APBB2: variants seen among roughly 807,000 people sequenced by gnomAD.
APBB2 encodes the protein Fe65-like 1.
Under a neutral mutation model 82.5 loss-of-function variants are expected in APBB2, and 38 were observed. The ratio of observed to expected loss-of-function variants is 0.46; its 90% CI spans 0.36 to 0.60. APBB2 has a LOEUF of 0.60. Among genes scored for constraint, APBB2 ranks in the 20% least tolerant of loss-of-function variants. APBB2 has a pLI of 0.00. For synonymous variants in APBB2, 341 were observed against 368.2 expected (o/e 0.93, Z 0.85); for missense variants, 772 against 972.3 (o/e 0.79, Z 2.74).
intron 6 of APBB2, among the ~76,000 whole-genome samples, chr4:40,965,618 T>C (rs532280322): frequency 1.3e-5 from 2 of 152,260 alleles, no homozygotes; most frequent in African/African-American, 4.8e-5. Flanking sequence ...TTTTATATAT[T>C]GAGTTAAATA....
rs777910826 is a variant in APBB2, at chr4:40,832,013, T to TATATATATACACACAC, written c.1530-1437_1530-1436insGTGTGTGTATATATAT. On this transcript the variant is annotated intron_variant, in intron 12 of 17. Transcript: ENST00000508593. This position sits in a 1 kb window ranked among gnomAD's most constrained non-coding sequence, Gnocchi z 4.8. ...ACACATATTTATATATTTATTTATATACACACACACACACACACACACACA... is the reference window on the plus strand; with the variant it reads ...ACACATATTTATATATTTATTTATATATATATATACACACACACACACACACACACACACACACACA... Among the ~76,000 whole-genome samples, 1 of 138,886 alleles carries TATATATATACACACAC rather than the reference T, an allele frequency of 7.2e-6. No individual in the cohort carries two copies. The highest frequency in any genetic ancestry group is 1.6e-5 in the Non-Finnish European group (1 of 64,472). 91.1% of individuals were successfully genotyped at this position (138,886 alleles called of 152,430 possible).
intron 4 of APBB2, among the ~76,000 whole-genome samples, chr4:41,039,349 G>C (rs1429834180): frequency 6.6e-6 from 1 of 152,108 alleles, no homozygotes; most frequent in East Asian, 1.9e-4. Flanking sequence ...TGAAAATTAT[G>C]ACCTTGGCCC....
At chr4:41,039,578 C>G (rs1376536301) in intron 4 of APBB2, among the ~76,000 whole-genome samples, 1 of 152,172 alleles carries the variant, frequency 6.6e-6, no homozygotes, top group African/African-American at 2.4e-5. Context: ...CTAATTAAGG[C>G]CAGATGCAGT....
rs547794861 is a variant in APBB2, at chr4:41,021,452, T to G, written c.20-7054A>C. Among the ~76,000 whole-genome samples, 295 of 151,994 alleles carry G rather than the reference T, an allele frequency of 1.9e-3. 1 individual carries two copies. Among genetic ancestry groups the G allele is most frequent in the African/African-American group, 6.8e-3 (284 of 41,472 alleles). Reference sequence around the variant, plus strand: ...TGCACCAATCAGCACTCTGTAAAAATGCACCAATCAGCACTCTGTGTCTAG... The same window carrying G: ...TGCACCAATCAGCACTCTGTAAAAAGGCACCAATCAGCACTCTGTGTCTAG... On this transcript the variant is annotated intron_variant, in intron 5 of 17. Transcript: ENST00000508593.
chr4:41,024,942 T>C (rs1713342941), intron 5 of APBB2, among the ~76,000 whole-genome samples: 1 of 152,240 alleles, frequency 6.6e-6, no homozygotes, highest in African/African-American at 2.4e-5. Flanking sequence ...CTCCCTTTGT[T>C]CTGCCTCTGT....
chr4:40,868,964 A>G (rs1458751635), intron 12 of APBB2, among the ~76,000 whole-genome samples: 1 of 152,186 alleles, frequency 6.6e-6, no homozygotes, highest in East Asian at 1.9e-4. Flanking sequence ...ACGAACTACT[A>G]AAAGATCAAT....
intron 2 of APBB2, among the ~76,000 whole-genome samples, chr4:41,109,673 T>C (rs1748494726): frequency 1.3e-5 from 2 of 152,210 alleles, no homozygotes; most frequent in Non-Finnish European, 2.9e-5. Context: ...AGTTTCACCA[T>C]GTTAGCCAGG....
intron 12 of APBB2, among the ~76,000 whole-genome samples, chr4:40,877,621 C>A (rs1274964273): frequency 6.6e-6 from 1 of 152,158 alleles, no homozygotes; most frequent in Non-Finnish European, 1.5e-5. Context: ...TATAAAATTC[C>A]TGCAAACTCA....
At chr4:40,838,895 GACCTC>G (rs1754920068) in intron 12 of APBB2, among the ~76,000 whole-genome samples, 1 of 152,210 alleles carries the variant, frequency 6.6e-6, no homozygotes, top group Non-Finnish European at 1.5e-5. Context: ...GGCATCTACA[GACCTC>G]TTAGCTGTGA....
intron 3 of APBB2, among the ~76,000 whole-genome samples, chr4:41,088,012 GCTGAAT>G (rs1740410252): frequency 6.6e-6 from 1 of 152,158 alleles, no homozygotes; most frequent in Admixed American, 6.5e-5. Flanking sequence ...ATACAGACAA[GCTGAAT>G]CTATTCAAAA....
At chr4:40,934,973 G>C (rs1560322689) in intron 8 of APBB2, 104 bp downstream of exon 8, 1 of 989,408 alleles carries the variant, frequency 1.0e-6, no homozygotes, top group Non-Finnish European at 1.5e-6. Context: ...CGATCACTGT[G>C]TCCCTGCAGA....
intron 12 of APBB2, among the ~76,000 whole-genome samples, chr4:40,882,917 T>C (rs1769071794): frequency 6.6e-6 from 1 of 152,216 alleles, no homozygotes; most frequent in African/African-American, 2.4e-5. Flanking sequence ...TCCGAGTCCT[T>C]TGCAGCTGAG....
chr4:41,184,988 T>C (rs1772485609), intron 1 of APBB2, among the ~76,000 whole-genome samples: 1 of 152,218 alleles, frequency 6.6e-6, no homozygotes, highest in African/African-American at 2.4e-5. Flanking sequence ...CGTCCGCCTG[T>C]GGAGAATCCA....
chr4:40,918,672 T>TTTCC (rs959705028), intron 10 of APBB2, among the ~76,000 whole-genome samples: 3 of 151,968 alleles, frequency 2.0e-5, no homozygotes, highest in Admixed American at 6.6e-5. Context: ...TTTCTTTCTT[T>TTTCC]TTCCTTCCTT....
chr4:41,150,120 C>T (rs542891798), intron 1 of APBB2, among the ~76,000 whole-genome samples: 19 of 152,212 alleles, frequency 1.2e-4, no homozygotes, highest in South Asian at 4.2e-4. Context: ...AATACAGCCA[C>T]GGTTGGGAAC....
intron 6 of APBB2, among the ~76,000 whole-genome samples, chr4:41,005,281 G>C (rs1426520347): frequency 6.6e-6 from 1 of 152,096 alleles, no homozygotes; most frequent in Non-Finnish European, 1.5e-5. Context: ...GTAGAGACAG[G>C]GTTTCACCAT....
At position 41,014,382 on chromosome 4, in the gene APBB2, G is replaced by A. The variant is rs1809272965; in HGVS notation, c.36C>T (p.Asp12=). The A allele has an allele frequency of 5.0e-6, 8 of 1,614,018 alleles. No individual in the cohort carries two copies. The highest frequency in any genetic ancestry group is 6.8e-6 in the Non-Finnish European group (8 of 1,179,988). ...TGCTGGCCATAAACACTGCCAAGGT[G>A]TCAACACCTGAGTCAGCTGGGGAAA... The part of the protein sequence containing the change: ...SEVLPADSGV[D]TLAVFMASSG... Residue 12 remains aspartate, a synonymous_variant, in exon 6 of 18, where the codon GAC becomes GAT. Coordinates refer to ENST00000508593, the MANE Select transcript of APBB2 (RefSeq NM_004307.2).
At chr4:40,866,072 G>GTCACCCTA (rs1318014638) in intron 12 of APBB2, among the ~76,000 whole-genome samples, 1 of 152,216 alleles carries the variant, frequency 6.6e-6, no homozygotes. Context: ...TAAGCGTGCT[G>GTCACCCTA]TCACCCTACA....
chr4:41,014,563 TA>T, intron 5 of APBB2, 165 bp from the exon 6 acceptor site: 1 of 717,314 alleles, frequency 1.4e-6, no homozygotes, highest in Non-Finnish European at 2.3e-6. Flanking sequence ...TTTGTTCCTA[TA>T]TTAAACAGGA....
Sources: allele counts gnomAD v4.1 joint callset (sites outside exome capture counted in the v4.1 genomes callset), GRCh38; gene constraint gnomAD v4.1.1; non-coding constraint Gnocchi (gnomAD v3.1); transcripts MANE v1.5; gene names NCBI Gene and HGNC (gene_info 2026-07-23, HGNC 2026-07-21).